Variants in ZNF827 observed in about 807,000 individuals in gnomAD.
The protein encoded by ZNF827 is zinc finger protein 827.
In ZNF827, 13 loss-of-function variants were observed where a neutral mutation model predicts 102.4. The observed-to-expected ratio is 0.13, with a 90% CI of 0.08 to 0.20. The LOEUF is 0.20. Ranked by LOEUF, ZNF827 falls within the 10% of genes least tolerant of loss-of-function variation. The pLI, the probability that ZNF827 is intolerant of heterozygous loss-of-function variation, is 1.00. For synonymous variants in ZNF827, 523 were observed against 536.2 expected (o/e 0.98, Z 0.34); for missense variants, 1,103 against 1,344.4 (o/e 0.82, Z 2.81).
At chr4:145,816,057 A>G (rs1742565610) in intron 8 of ZNF827, among the ~76,000 whole-genome samples, 1 of 152,196 alleles carries the variant, frequency 6.6e-6, no homozygotes. Flanking sequence ...TTTTGTTGAG[A>G]TGGGGTCTTG....
At chr4:145,766,957 A>C (rs1310715173) in intron 11 of ZNF827, among the ~76,000 whole-genome samples, 2 of 152,206 alleles carry the variant, frequency 1.3e-5, no homozygotes, top group Admixed American at 1.3e-4. Context: ...AGCTATCTGC[A>C]TCCTAAAACA....
intron 8 of ZNF827, among the ~76,000 whole-genome samples, chr4:145,807,877 AT>A (rs1459231811): frequency 6.6e-6 from 1 of 152,166 alleles, no homozygotes; most frequent in Non-Finnish European, 1.5e-5. Context: ...CAGTGATGAT[AT>A]TTTTAAAATA....
intron 8 of ZNF827, among the ~76,000 whole-genome samples, chr4:145,811,154 G>T (rs892576525): frequency 2.0e-5 from 3 of 151,944 alleles, no homozygotes; most frequent in African/African-American, 7.3e-5. Flanking sequence ...ACCATGCCTG[G>T]CTAATTTTTG....
At chr4:145,849,170 G>A (rs1746276492) in intron 6 of ZNF827, 152 bp downstream of exon 6, 10 of 884,318 alleles carry the variant, frequency 1.1e-5, no homozygotes, top group Non-Finnish European at 1.5e-5. Flanking sequence ...TTAACTGTTA[G>A]TTTGGGTGGC....
chr4:145,855,713 T>C (rs1218960648), intron 5 of ZNF827, among the ~76,000 whole-genome samples: 1 of 152,132 alleles, frequency 6.6e-6, no homozygotes, highest in African/African-American at 2.4e-5. Context: ...GAAAAGGAAA[T>C]GTTTATTCCA....
At chr4:145,842,752 C>T (rs1340807097) in intron 7 of ZNF827, among the ~76,000 whole-genome samples, 1 of 152,132 alleles carries the variant, frequency 6.6e-6, no homozygotes, top group Non-Finnish European at 1.5e-5. Context: ...CAGGCCTGCC[C>T]TTTACAAACG....
Position 145,759,082 on chromosome 4 carries a change from T to C in ZNF827, c.*2534A>G, listed in dbSNP as rs1734184134. 6.6e-6 allele frequency: 1 copy of C among 152,192 alleles called. No homozygotes were observed. The highest frequency in any genetic ancestry group is 1.5e-5 in the Non-Finnish European group (1 of 68,018). The allele number at this position is 152,192 out of a possible 1,614,324, so 9.4% of individuals were successfully genotyped here. On this transcript the variant is annotated 3_prime_UTR_variant, in exon 15 of 15. Coordinates refer to ENST00000508784, the MANE Select transcript of ZNF827 (RefSeq NM_001306215.2). ...CCCCAACTCTTAGGATAACACATGA[T>C]GGAAAACAGCAACACAGTAAGAAAA...
intron 1 of ZNF827, among the ~76,000 whole-genome samples, chr4:145,909,615 T>A (rs1752123413): frequency 6.6e-6 from 1 of 152,186 alleles, no homozygotes; most frequent in Non-Finnish European, 1.5e-5. Flanking sequence ...ATGGGCTCAA[T>A]GTGGGTCACA....
intron 1 of ZNF827, among the ~76,000 whole-genome samples, chr4:145,919,859 A>G (rs929047210): frequency 6.6e-6 from 1 of 152,244 alleles, no homozygotes; most frequent in African/African-American, 2.4e-5. Flanking sequence ...AAATAGGGCC[A>G]CAATAAGTTT....
intron 2 of ZNF827, among the ~76,000 whole-genome samples, chr4:145,899,426 A>G (rs1751237485): frequency 6.6e-6 from 1 of 152,176 alleles, no homozygotes; most frequent in East Asian, 1.9e-4. Flanking sequence ...ACACCAAATC[A>G]TGTACCCATG....
At chr4:145,903,364 C>T in intron 1 of ZNF827, 149 bp from the exon 2 acceptor site, 4 of 1,410,578 alleles carry the variant, frequency 2.8e-6, no homozygotes, top group Admixed American at 2.9e-5. Context: ...GAATGTCAGA[C>T]AGACTTGGCA....
chr4:145,800,774 T>TC (rs937108716), intron 8 of ZNF827, among the ~76,000 whole-genome samples: 4 of 152,136 alleles, frequency 2.6e-5, no homozygotes, highest in Non-Finnish European at 5.9e-5. Context: ...CAGCAGTACT[T>TC]CCCCCAGTTA....
At chr4:145,823,120 A>C (rs1743315324) in intron 8 of ZNF827, among the ~76,000 whole-genome samples, 1 of 152,204 alleles carries the variant, frequency 6.6e-6, no homozygotes, top group Non-Finnish European at 1.5e-5. Context: ...ACAACATGTA[A>C]AGCAAATTAT....
At chr4:145,821,945 G>A (rs887511211) in intron 8 of ZNF827, among the ~76,000 whole-genome samples, 3 of 152,146 alleles carry the variant, frequency 2.0e-5, no homozygotes, top group South Asian at 4.1e-4. Flanking sequence ...GATGCTGGCC[G>A]TATGGGTCAC....
At chr4:145,819,038 T>C (rs747178962) in intron 8 of ZNF827, among the ~76,000 whole-genome samples, 3 of 152,100 alleles carry the variant, frequency 2.0e-5, no homozygotes, top group South Asian at 2.1e-4. Flanking sequence ...AAAAAGCTTG[T>C]TTTTGTGAGG....
At chr4:145,883,705 C>T (rs1249612820) in intron 4 of ZNF827, among the ~76,000 whole-genome samples, 3 of 152,190 alleles carry the variant, frequency 2.0e-5, no homozygotes, top group Non-Finnish European at 4.4e-5. Context: ...GGGAGTAACA[C>T]CTTATTCAGA....
rs542782638 is a variant in ZNF827, at chr4:145,860,556, A to G, written c.1981+9689T>C. Among the ~76,000 whole-genome samples the G allele has an allele frequency of 5.9e-4, 90 of 152,334 alleles. 3 individuals carry two copies. The highest frequency in any genetic ancestry group is 4.6e-3 in the Admixed American group (70 of 15,298). On this transcript the variant is annotated intron_variant, in intron 5 of 14. Coordinates refer to ENST00000508784, the MANE Select transcript of ZNF827 (RefSeq NM_001306215.2). ...ATGTGATGGGTCGCACATAAATTCT[A>G]TAACCTTCCCTCCTCTCTCCAGCTG...
intron 11 of ZNF827, among the ~76,000 whole-genome samples, chr4:145,770,608 AATG>A (rs1258702436): frequency 4.6e-5 from 7 of 151,906 alleles, no homozygotes; most frequent in Non-Finnish European, 1.0e-4. Context: ...ATATAATAAT[AATG>A]ATAACTAATA....
intron 4 of ZNF827, among the ~76,000 whole-genome samples, chr4:145,878,710 AGAGGAAGG>A (rs1206195263): frequency 3.3e-5 from 5 of 150,952 alleles, no homozygotes; most frequent in Non-Finnish European, 5.9e-5. Context: ...GAAGGGAGAG[AGAGGAAGG>A]GAGGAAGGGA....
Sources: allele counts gnomAD v4.1 joint callset (sites outside exome capture counted in the v4.1 genomes callset), GRCh38; gene constraint gnomAD v4.1.1; transcripts MANE v1.5; gene names NCBI Gene and HGNC (gene_info 2026-07-23, HGNC 2026-07-21).